MTHFD2L: variants seen among roughly 807,000 people sequenced by gnomAD.
The protein encoded by MTHFD2L is methylenetetrahydrofolate dehydrogenase (NADP+ dependent) 2 like, also known as bifunctional methylenetetrahydrofolate dehydrogenase/cyclohydrolase 2, mitochondrial.
A neutral mutation model predicts 34.9 loss-of-function variants in MTHFD2L; 29 were observed. That is an observed-to-expected ratio of 0.83 (90% CI 0.62 to 1.13). The LOEUF (loss-of-function observed/expected upper bound fraction) is 1.13, where lower values mean the gene tolerates loss of function less well. Among genes scored for constraint, MTHFD2L ranks in the 50% most tolerant of loss-of-function variants. The pLI, the probability that MTHFD2L is intolerant of heterozygous loss-of-function variation, is 0.00. For missense variants in MTHFD2L, 481 were observed against 446.5 expected, an observed-to-expected ratio of 1.08 and a Z score of -0.70; for synonymous variants, 167 against 155.7, an observed-to-expected ratio of 1.07 and a Z score of -0.54.
chr4:74,289,368 G>C (rs1270311458), intron 7 of MTHFD2L, among the ~76,000 whole-genome samples: 1 of 152,136 alleles, frequency 6.6e-6, no homozygotes, highest in Non-Finnish European at 1.5e-5. Flanking sequence ...AGGGGGGCCT[G>C]GCTGGCGGTT....
At chr4:74,223,107 T>G (rs936598008) in intron 5 of MTHFD2L, among the ~76,000 whole-genome samples, 9 of 152,016 alleles carry the variant, frequency 5.9e-5, no homozygotes, top group Admixed American at 2.6e-4. Context: ...GAATATAAAT[T>G]GTTCTATCAT....
intron 6 of MTHFD2L, among the ~76,000 whole-genome samples, chr4:74,244,412 G>C (rs75297636): frequency 0.018 from 2,705 of 152,282 alleles, 209 homozygotes; most frequent in Admixed American, 0.13. Flanking sequence ...AGTCACCCAG[G>C]TGAGTTTTAG....
intron 3 of MTHFD2L, chr4:74,184,047 G>A (rs988925113): frequency 6.6e-6 from 1 of 152,050 alleles, no homozygotes; most frequent in African/African-American, 2.4e-5. Flanking sequence ...ATATGAAACC[G>A]AAAGCAACCA....
At chr4:74,250,764 T>C (rs1403018284) in intron 6 of MTHFD2L, among the ~76,000 whole-genome samples, 1 of 152,132 alleles carries the variant, frequency 6.6e-6, no homozygotes, top group Non-Finnish European at 1.5e-5. Context: ...TTCAACCCCT[T>C]CATAACTGTT....
intron 6 of MTHFD2L, among the ~76,000 whole-genome samples, chr4:74,277,154 A>G (rs201557638): frequency 6.9e-6 from 1 of 145,458 alleles, no homozygotes; most frequent in Non-Finnish European, 1.5e-5. Context: ...GCCAAAGCAG[A>G]TTTTTTTTTT....
chr4:74,208,625 G>T (rs553215005), intron 5 of MTHFD2L, among the ~76,000 whole-genome samples: 1 of 152,210 alleles, frequency 6.6e-6, no homozygotes, highest in South Asian at 2.1e-4. Context: ...AATTTATTGG[G>T]TGAAAAGGAA....
intron 1 of MTHFD2L, among the ~76,000 whole-genome samples, chr4:74,145,059 A>G (rs1723507216): frequency 6.6e-6 from 1 of 152,170 alleles, no homozygotes; most frequent in African/African-American, 2.4e-5. Flanking sequence ...AATTAATAAG[A>G]ATATATCGAT....
At chr4:74,261,810 T>C (rs1744712059) in intron 6 of MTHFD2L, among the ~76,000 whole-genome samples, 1 of 152,044 alleles carries the variant, frequency 6.6e-6, no homozygotes, top group South Asian at 2.1e-4. Flanking sequence ...GTGAGCTTGC[T>C]ACCTAAGTTA....
At chr4:74,229,741 C>G (rs1739721733) in intron 6 of MTHFD2L, among the ~76,000 whole-genome samples, 2 of 152,092 alleles carry the variant, frequency 1.3e-5, no homozygotes, top group Admixed American at 6.6e-5. Context: ...GATTTAGACT[C>G]AGTTAGAAGC....
intron 3 of MTHFD2L, among the ~76,000 whole-genome samples, chr4:74,196,916 A>AG (rs988501176): frequency 6.6e-6 from 1 of 151,090 alleles, no homozygotes; most frequent in Admixed American, 6.6e-5. Context: ...ACTGCACTCC[A>AG]GCCTGGGGAA....
At chr4:74,264,101 A>G (rs778030224) in intron 6 of MTHFD2L, among the ~76,000 whole-genome samples, 1 of 152,100 alleles carries the variant, frequency 6.6e-6, no homozygotes, top group Non-Finnish European at 1.5e-5. Context: ...CAGTTTTCAT[A>G]CTTAATGGTG....
chr4:74,280,729 A>G (rs768799049), intron 6 of MTHFD2L, among the ~76,000 whole-genome samples: 4 of 152,040 alleles, frequency 2.6e-5, no homozygotes, highest in Non-Finnish European at 5.9e-5. Flanking sequence ...AGATGGTTGC[A>G]TAAGATCTCT....
chr4:74,281,396 G>A (rs762816034), intron 6 of MTHFD2L, 29 bp from the exon 7 acceptor site: 1 of 1,601,718 alleles, frequency 6.2e-7, no homozygotes, highest in Non-Finnish European at 8.5e-7. Context: ...TTGTTATGCT[G>A]AAGGACAAAC....
chr4:74,175,195 G>T, intron 2 of MTHFD2L, 86 bp from the exon 3 acceptor site: 2 of 1,412,116 alleles, frequency 1.4e-6, no homozygotes, highest in South Asian at 1.4e-5. Flanking sequence ...ACGGCAGTAG[G>T]AACAGTCCCA....
At chr4:74,148,987 G>A (rs1468850904) in intron 1 of MTHFD2L, among the ~76,000 whole-genome samples, 2 of 151,830 alleles carry the variant, frequency 1.3e-5, no homozygotes, top group Non-Finnish European at 2.9e-5. Context: ...GAGTGTGAGA[G>A]AAGGGGAAAC....
intron 6 of MTHFD2L, among the ~76,000 whole-genome samples, chr4:74,233,745 G>T (rs1457986222): frequency 1.3e-5 from 2 of 151,950 alleles, no homozygotes; most frequent in African/African-American, 4.8e-5. Context: ...GATCACCTCA[G>T]AACCATCACA....
Position 74,301,991 on chromosome 4 carries a change from G to A in MTHFD2L, c.*182G>A, listed in dbSNP as rs1410671266. 2.4e-6 allele frequency: 1 copy of A among 411,078 alleles called. No individual in the cohort carries two copies. Among genetic ancestry groups the A allele is most frequent in the African/African-American group, 2.1e-5 (1 of 48,280 alleles). 25.5% of individuals were successfully genotyped at this position (411,078 alleles called of 1,614,324 possible). ...TGCATTTCCTGCTAATTTATTTTGA[G>A]TTTTAAGAAAACAACCAAAACAATT... On this transcript the variant is annotated 3_prime_UTR_variant, in exon 8 of 8. Coordinates refer to ENST00000325278, the MANE Select transcript of MTHFD2L (RefSeq NM_001144978.3).
At chr4:74,186,639 A>G (rs1215583442) in intron 3 of MTHFD2L, among the ~76,000 whole-genome samples, 3 of 152,138 alleles carry the variant, frequency 2.0e-5, no homozygotes, top group South Asian at 2.1e-4. Flanking sequence ...GGGAAAACCT[A>G]TATATATTAA....
chr4:74,205,857 C>T, intron 5 of MTHFD2L, among the ~76,000 whole-genome samples: 1 of 151,870 alleles, frequency 6.6e-6, no homozygotes, highest in African/African-American at 2.4e-5. Flanking sequence ...ATATGATATA[C>T]AAGTATGGGT....
Sources: allele counts gnomAD v4.1 joint callset (sites outside exome capture counted in the v4.1 genomes callset), GRCh38; gene constraint gnomAD v4.1.1; transcripts MANE v1.5; gene names NCBI Gene and HGNC (gene_info 2026-07-23, HGNC 2026-07-21).